Variants in DCDC1 observed in about 807,000 individuals in gnomAD.
DCDC1 encodes doublecortin domain containing 1, also known as doublecortin domain-containing protein 1.
DCDC1 carries 200 observed loss-of-function variants against 178.3 expected under a neutral mutation model. That is an observed-to-expected ratio of 1.12 (90% CI 1.00 to 1.26). The LOEUF is 1.26. DCDC1 is among the 50% of genes most tolerant of loss of function. The pLI is 0.00. For missense variants in DCDC1, 1,983 were observed against 1,749.2 expected (o/e 1.13, Z -2.38); for synonymous variants, 690 against 604.8 (o/e 1.14, Z -2.07).
At chr11:31,085,151 T>C (rs757770610) in intron 17 of DCDC1, among the ~76,000 whole-genome samples, 7 of 151,074 alleles carry the variant, frequency 4.6e-5, no homozygotes, top group Non-Finnish European at 1.0e-4. Flanking sequence ...TTATTTTTTC[T>C]TAATTGTTTT....
intron 30 of DCDC1, among the ~76,000 whole-genome samples, chr11:30,905,983 T>A (rs1945033328): frequency 6.6e-6 from 1 of 152,182 alleles, no homozygotes; most frequent in Admixed American, 6.6e-5. Flanking sequence ...TCCCATAGTT[T>A]TTACTTCTAC....
chr11:31,224,290 G>A (rs140806809), intron 9 of DCDC1, among the ~76,000 whole-genome samples: 2,024 of 152,002 alleles, frequency 0.013, 26 homozygotes, highest in Non-Finnish European at 0.022. Flanking sequence ...AAATGGTGCT[G>A]GGATAACTAG....
intron 20 of DCDC1, among the ~76,000 whole-genome samples, chr11:30,954,130 C>T (rs921282751): frequency 5.3e-5 from 8 of 151,052 alleles, no homozygotes; most frequent in Non-Finnish European, 7.4e-5. Context: ...ATTCTCCTGC[C>T]TCAGCCTCCG....
At chr11:31,279,248 G>T (rs2616802) in intron 7 of DCDC1, among the ~76,000 whole-genome samples, 9,379 of 150,722 alleles carry the variant, frequency 0.062, 829 homozygotes, top group African/African-American at 0.2. Context: ...TCTTTTTTTT[G>T]TGTGTGTGTG....
intron 18 of DCDC1, among the ~76,000 whole-genome samples, chr11:31,066,754 T>C (rs1203431719): frequency 6.6e-6 from 1 of 152,182 alleles, no homozygotes; most frequent in Non-Finnish European, 1.5e-5. Flanking sequence ...TTTAGGGCTG[T>C]TAAACTATTC....
intron 2 of DCDC1, among the ~76,000 whole-genome samples, chr11:31,330,181 G>A (rs570413017): frequency 1.3e-5 from 2 of 152,240 alleles, no homozygotes; most frequent in Admixed American, 1.3e-4. Context: ...TGTGTCTGTT[G>A]GCTGCATAAA....
At chr11:31,122,187 T>C (rs1960910754) in intron 11 of DCDC1, among the ~76,000 whole-genome samples, 1 of 152,144 alleles carries the variant, frequency 6.6e-6, no homozygotes, top group Non-Finnish European at 1.5e-5. Flanking sequence ...CCATGTGTCT[T>C]CAGTTGGAAT....
At chr11:31,005,265 C>T in intron 20 of DCDC1, among the ~76,000 whole-genome samples, 1 of 152,198 alleles carries the variant, frequency 6.6e-6, no homozygotes, top group South Asian at 2.1e-4. Context: ...AGTCCACCAA[C>T]AACAATGGCT....
At chr11:30,933,710 G>A (rs1405117897) in intron 21 of DCDC1, among the ~76,000 whole-genome samples, 1 of 152,132 alleles carries the variant, frequency 6.6e-6, no homozygotes, top group East Asian at 1.9e-4. Flanking sequence ...ACACACTCAC[G>A]CATCCAAACC....
At chr11:31,107,230 T>G (rs1342212715) in intron 12 of DCDC1, among the ~76,000 whole-genome samples, 1 of 152,140 alleles carries the variant, frequency 6.6e-6, no homozygotes, top group African/African-American at 2.4e-5. Flanking sequence ...AAAGCAGATG[T>G]GACAGTCTTA....
intron 9 of DCDC1, among the ~76,000 whole-genome samples, chr11:31,188,832 C>T (rs1969810027): frequency 6.6e-6 from 1 of 152,120 alleles, no homozygotes; most frequent in African/African-American, 2.4e-5. Flanking sequence ...TGTGTCCCTG[C>T]AAAATTCATA....
chr11:31,117,677 T>C (rs1385938924), intron 11 of DCDC1, among the ~76,000 whole-genome samples: 2 of 149,286 alleles, frequency 1.3e-5, no homozygotes, highest in Admixed American at 6.8e-5. Context: ...GCTGTGACTA[T>C]TGACAAAAAA....
Position 30,902,937 on chromosome 11 carries a change from C to T in DCDC1, c.4510+545G>A, listed in dbSNP as rs61236309. 5.9e-3 allele frequency among the ~76,000 whole-genome samples: 895 copies of T among 152,250 alleles called. 9 individuals carry two copies. Among genetic ancestry groups the T allele is most frequent in the African/African-American group, 0.021 (860 of 41,560 alleles). On this transcript the variant is annotated intron_variant, in intron 32 of 38. Coordinates refer to ENST00000684477, the MANE Select transcript of DCDC1 (RefSeq NM_001387274.1). ...CAGCTATAAACAGATCATTATCATG[C>T]AGTGTGTCCAAAAATGCAATAGATG... is the stretch of plus-strand genomic sequence containing the variant.
chr11:30,978,208 T>C (rs1259491557), intron 20 of DCDC1, among the ~76,000 whole-genome samples: 2 of 152,228 alleles, frequency 1.3e-5, no homozygotes, highest in Non-Finnish European at 2.9e-5. Flanking sequence ...CTCACACGAA[T>C]CTGAAGACTT....
In DCDC1 at chr11:30,917,011, G is replaced by A. The variant is rs1407690092; in HGVS notation, c.3311C>T (p.Ala1104Val). The A allele has an allele frequency of 1.2e-6, 2 of 1,602,864 alleles. No homozygotes were observed. The highest frequency in any genetic ancestry group is 1.7e-6 in the Non-Finnish European group (2 of 1,175,960). Reference protein sequence around the residue: ...SSEILDSHVRAHLRMKACHTL... With the variant: ...SSEILDSHVRVHLRMKACHTL... ...GTGACAAGCCTTCATTCGAAGATGA[G>A]CTCTTACGTGTGAATCTCTATCAAG... The change falls in exon 26 of 39, where the codon GCT becomes GTT. Residue 1104 changes from alanine (A) to valine (V), a missense_variant. By Grantham distance (64) the Ala-to-Val change is moderately conservative (BLOSUM62 0). Transcript: ENST00000684477.
chr11:31,123,849 T>C (rs2135907972), intron 11 of DCDC1, among the ~76,000 whole-genome samples: 1 of 152,140 alleles, frequency 6.6e-6, no homozygotes, highest in East Asian at 1.9e-4. Flanking sequence ...AGTGCTAAAA[T>C]AAGGAAAGTC....
chr11:31,080,333 T>C (rs1021268407), intron 17 of DCDC1, among the ~76,000 whole-genome samples: 2 of 152,150 alleles, frequency 1.3e-5, no homozygotes, highest in South Asian at 2.1e-4. Context: ...GCACTAGTTA[T>C]TATACAAATA....
intron 20 of DCDC1, among the ~76,000 whole-genome samples, chr11:31,062,238 C>T (rs1453492375): frequency 6.6e-6 from 1 of 152,130 alleles, no homozygotes; most frequent in Non-Finnish European, 1.5e-5. Flanking sequence ...TGACAAGCGC[C>T]AGCTTTCCCT....
intron 9 of DCDC1, among the ~76,000 whole-genome samples, chr11:31,222,314 T>A (rs11031322): frequency 0.24 from 36,249 of 152,050 alleles, 4,389 homozygotes; most frequent in East Asian, 0.3. Context: ...TCCACCCACC[T>A]CAGCCTCCCA....
Sources: allele counts gnomAD v4.1 joint callset (sites outside exome capture counted in the v4.1 genomes callset), GRCh38; gene constraint gnomAD v4.1.1; transcripts MANE v1.5; gene names NCBI Gene and HGNC (gene_info 2026-07-23, HGNC 2026-07-21).